The following CHCHD6 variants were observed in gnomAD, a reference collection of about 807,000 sequenced individuals.
CHCHD6 encodes the protein MICOS complex subunit MIC25.
A neutral mutation model predicts 32.3 loss-of-function variants in CHCHD6; 28 were observed. The observed-to-expected ratio is 0.87, with a 90% CI of 0.64 to 1.19. The LOEUF is 1.19. Among genes scored for constraint, CHCHD6 ranks in the 50% most tolerant of loss-of-function variants. CHCHD6 has a pLI of 0.00. For synonymous variants in CHCHD6, 122 were observed against 117.5 expected, an observed-to-expected ratio of 1.04 and a Z score of -0.25; for missense variants, 333 against 307.0, an observed-to-expected ratio of 1.08 and a Z score of -0.63.
chr3:126,880,502 G>C (rs1400876383), intron 5 of CHCHD6, among the ~76,000 whole-genome samples: 7 of 152,106 alleles, frequency 4.6e-5, no homozygotes, highest in African/African-American at 1.7e-4. Flanking sequence ...CCACACCCAA[G>C]CACCTTACTC....
chr3:126,919,621 A>ATTT (rs35228420), intron 6 of CHCHD6, among the ~76,000 whole-genome samples: 7 of 127,188 alleles, frequency 5.5e-5, no homozygotes, highest in Non-Finnish European at 6.5e-5. Flanking sequence ...GCTGGCCTTC[A>ATTT]TTTTTTTTTT....
intron 4 of CHCHD6, among the ~76,000 whole-genome samples, chr3:126,829,260 C>G (rs919350392): frequency 6.6e-6 from 1 of 152,076 alleles, no homozygotes; most frequent in African/African-American, 2.4e-5. Flanking sequence ...CCCTCACTCT[C>G]CAGATGCTGC....
At chr3:126,722,304 T>C (rs1935343459) in intron 1 of CHCHD6, among the ~76,000 whole-genome samples, 1 of 152,148 alleles carries the variant, frequency 6.6e-6, no homozygotes, top group African/African-American at 2.4e-5. Context: ...TGTAGGCATG[T>C]GGCACCACAC....
intron 1 of CHCHD6, 94 bp downstream of exon 1, chr3:126,704,493 C>A (rs1934376934): frequency 1.3e-6 from 1 of 751,908 alleles, no homozygotes; most frequent in Non-Finnish European, 1.9e-6. Flanking sequence ...TCTTTCCACG[C>A]GTGAGGGGCG....
intron 6 of CHCHD6, among the ~76,000 whole-genome samples, chr3:126,925,875 G>A (rs1240226629): frequency 6.6e-6 from 1 of 152,210 alleles, no homozygotes; most frequent in Admixed American, 6.5e-5. Context: ...TTAAAGACAG[G>A]ATTAAATGAT....
At chr3:126,931,717 T>G (rs1040403600) in intron 6 of CHCHD6, among the ~76,000 whole-genome samples, 2 of 152,210 alleles carry the variant, frequency 1.3e-5, no homozygotes, top group Non-Finnish European at 2.9e-5. Flanking sequence ...TAAGCTCCCC[T>G]TCTTAGTCCT....
chr3:126,766,979 C>T (rs919850561), intron 4 of CHCHD6: 24 of 907,440 alleles, frequency 2.6e-5, no homozygotes, highest in African/African-American at 1.3e-4. Flanking sequence ...GTGTGGTTAG[C>T]GCCACAGGCT....
chr3:126,807,496 A>T (rs1042226038), intron 4 of CHCHD6, among the ~76,000 whole-genome samples: 1 of 152,216 alleles, frequency 6.6e-6, no homozygotes, highest in African/African-American at 2.4e-5. Context: ...ACAAAGCAAT[A>T]GAAAATATGA....
intron 4 of CHCHD6, among the ~76,000 whole-genome samples, chr3:126,774,928 G>C (rs1157816124): frequency 2.0e-5 from 3 of 152,148 alleles, no homozygotes; most frequent in Non-Finnish European, 4.4e-5. Flanking sequence ...ATCCCCTCCA[G>C]CACCCAGTCT....
intron 4 of CHCHD6, among the ~76,000 whole-genome samples, chr3:126,801,245 G>A (rs933634567): frequency 6.6e-5 from 10 of 152,224 alleles, no homozygotes; most frequent in Admixed American, 2.6e-4. Context: ...TGCGCAAGCC[G>A]AAGCAGGGCG....
chr3:126,767,156 A>C, intron 4 of CHCHD6: 1 of 1,590,992 alleles, frequency 6.3e-7, no homozygotes, highest in Non-Finnish European at 8.6e-7. Flanking sequence ...AAAGGAATAG[A>C]GGTTTCCTTT....
intron 4 of CHCHD6, among the ~76,000 whole-genome samples, chr3:126,804,534 A>G (rs1939255653): frequency 6.6e-6 from 1 of 152,248 alleles, no homozygotes; most frequent in South Asian, 2.1e-4. Context: ...ATCTCTGAAT[A>G]GACCAATAAC....
At chr3:126,733,504 CACTT>C (rs1351418748) in intron 4 of CHCHD6, among the ~76,000 whole-genome samples, 8 of 152,238 alleles carry the variant, frequency 5.3e-5, no homozygotes, top group Non-Finnish European at 7.3e-5. Context: ...TCAACAGTCT[CACTT>C]AGCTCTGAAA....
chr3:126,890,647 C>G (rs558406947), intron 5 of CHCHD6, among the ~76,000 whole-genome samples: 1 of 152,316 alleles, frequency 6.6e-6, no homozygotes, highest in African/African-American at 2.4e-5. Flanking sequence ...AACAACAGTT[C>G]TTTAGCCTAA....
intron 4 of CHCHD6, among the ~76,000 whole-genome samples, chr3:126,805,150 A>T (rs1037350849): frequency 2.0e-4 from 31 of 152,214 alleles, no homozygotes; most frequent in Middle Eastern, 3.2e-3. Context: ...CAAGACAGGG[A>T]TGCCCTCTCT....
intron 4 of CHCHD6, among the ~76,000 whole-genome samples, chr3:126,851,856 T>C (rs1476739976): frequency 1.3e-5 from 2 of 152,220 alleles, no homozygotes; most frequent in African/African-American, 4.8e-5. Context: ...ACATCATGCC[T>C]GAGGAAGCTG....
At chr3:126,831,124 C>T (rs897195468) in intron 4 of CHCHD6, among the ~76,000 whole-genome samples, 50 of 151,842 alleles carry the variant, frequency 3.3e-4, no homozygotes, top group African/African-American at 1.1e-3. Flanking sequence ...CCCGGGTTCA[C>T]GCCATTCTCC....
chr3:126,900,582 A>T (rs2077909143), intron 5 of CHCHD6, among the ~76,000 whole-genome samples: 1 of 147,712 alleles, frequency 6.8e-6, no homozygotes, highest in African/African-American at 2.5e-5. Flanking sequence ...GCAAGAGAGA[A>T]GGACGGGAGG....
At chr3:126,712,267 A>G (rs563396894) in intron 1 of CHCHD6, among the ~76,000 whole-genome samples, 2 of 152,310 alleles carry the variant, frequency 1.3e-5, no homozygotes, top group South Asian at 4.1e-4. Context: ...TTAGTTGAAT[A>G]TCCTTTAAAT....
Sources: allele counts gnomAD v4.1 joint callset (sites outside exome capture counted in the v4.1 genomes callset), GRCh38; gene constraint gnomAD v4.1.1; transcripts MANE v1.5; gene names NCBI Gene and HGNC (gene_info 2026-07-23, HGNC 2026-07-21).